FAM20C: variants seen among roughly 807,000 people sequenced by gnomAD.
FAM20C encodes the protein FAM20C golgi associated secretory pathway kinase.
Under a neutral mutation model 51.5 loss-of-function variants are expected in FAM20C, and 40 were observed. The observed-to-expected ratio is 0.78, with a 90% CI of 0.60 to 1.01. FAM20C has a LOEUF of 1.01. FAM20C is among the 50% of genes least tolerant of loss of function. The pLI, the probability that FAM20C is intolerant of heterozygous loss-of-function variation, is 0.00. For missense variants in FAM20C, 861 were observed against 844.7 expected, an observed-to-expected ratio of 1.02 and a Z score of -0.24; for synonymous variants, 406 against 380.6, an observed-to-expected ratio of 1.07 and a Z score of -0.78.
chr7:222,190 T>G lies in FAM20C; in HGVS notation c.863+13214T>G, dbSNP rs138643604. On this transcript the variant is annotated intron_variant, in intron 3 of 9. Transcript: ENST00000313766. ...GAGGCCACGCAGGGATGTCTGGAGG[T>G]CCAGGGCAGCTGTGCTGTTGTGTTT... is the stretch of plus-strand genomic sequence containing the variant. Among the ~76,000 whole-genome samples the G allele has an allele frequency of 5.5e-4, 83 of 152,084 alleles. No individual in the cohort carries two copies. In the East Asian group the frequency reaches 9.1e-3, roughly 17 times the overall value.
In FAM20C at chr7:257,292, G is replaced by A. The variant is rs980043025; in HGVS notation, c.1445+206G>A. 3.6e-5 allele frequency: 21 copies of A among 588,530 alleles called. No individual in the cohort carries two copies. The Admixed American group carries it at 5.7e-4, about 16-fold the overall frequency. The allele number at this position is 588,530 out of a possible 1,614,324, so 36.5% of individuals were successfully genotyped here. On this transcript the variant is annotated intron_variant, in intron 8 of 9. Transcript: ENST00000313766. ...GGGCCGCCCCGGGAGTGGGACCTCC[G>A]AGGCACAGGAATGCTGCAGACCAAG...
intron 3 of FAM20C, among the ~76,000 whole-genome samples, chr7:230,265 G>A (rs1374199210): frequency 6.6e-6 from 1 of 151,670 alleles, no homozygotes; most frequent in Non-Finnish European, 1.5e-5. Flanking sequence ...AGGAGCTCCT[G>A]GAGCCCCCAG....
chr7:232,048 G>A (rs2115120346), intron 3 of FAM20C, among the ~76,000 whole-genome samples: 1 of 152,320 alleles, frequency 6.6e-6, no homozygotes, highest in Non-Finnish European at 1.5e-5. Flanking sequence ...CTGCTTTGTG[G>A]GACACGCTGA....
Position 255,861 on chromosome 7 carries a change from G to C in FAM20C, c.1085G>C (p.Cys362Ser). ...TGTCCCTCCCCAGCCAACAACATCT[G>C]CTTCTACGGCGAGTGTTCCTACTAC... ...TFFISPANNI[C>S]FYGECSYYCS... The change falls in exon 6 of 10, where the codon TGC becomes TCC. Residue 362 changes from cysteine (C) to serine (S), a missense_variant. Physicochemically the swap from Cys to Ser is moderately radical, Grantham distance 112. Transcript: ENST00000313766. 2 of 1,536,454 alleles carry C rather than the reference G, an allele frequency of 1.3e-6. No individual in the cohort carries two copies. Among genetic ancestry groups the C allele is most frequent in the Non-Finnish European group, 1.7e-6 (2 of 1,146,844 alleles).
chr7:232,981 G>A (rs964029983), intron 3 of FAM20C, among the ~76,000 whole-genome samples: 20 of 152,356 alleles, frequency 1.3e-4, no homozygotes, highest in South Asian at 6.2e-4. Context: ...AAACACGGAC[G>A]TTCGGAACAG....
Position 243,763 on chromosome 7 carries a change from A to G in FAM20C, c.864-2652A>G, listed in dbSNP as rs1258277633. Among the ~76,000 whole-genome samples, 13 of 150,822 alleles carry G rather than the reference A, an allele frequency of 8.6e-5. No homozygotes were observed. The East Asian group carries it at 2.3e-3, about 27-fold the overall frequency. On this transcript the variant is annotated intron_variant, in intron 3 of 9. Coordinates refer to ENST00000313766, the MANE Select transcript of FAM20C (RefSeq NM_020223.4). ...CTGTGCCACCCGGGAGACCTGTGCCACCCAGGAGACCTGGGCGCCGCCTCT... is the reference window on the plus strand; with the variant it reads ...CTGTGCCACCCGGGAGACCTGTGCCGCCCAGGAGACCTGGGCGCCGCCTCT...
intron 2 of FAM20C, among the ~76,000 whole-genome samples, chr7:204,080 A>C (rs1786243116): frequency 6.6e-6 from 1 of 152,254 alleles, no homozygotes; most frequent in Non-Finnish European, 1.5e-5. Flanking sequence ...GGAGAAAACT[A>C]CCAAGCTTCA....
At chr7:246,648 C>T (rs1377827822) in intron 4 of FAM20C, 141 bp downstream of exon 4, 3 of 530,512 alleles carry the variant, frequency 5.7e-6, no homozygotes, top group Admixed American at 3.2e-5. Context: ...GCTCTCCCCC[C>T]ACCCCGAGTG....
At chr7:206,283 C>T (rs1202430276) in intron 2 of FAM20C, among the ~76,000 whole-genome samples, 1 of 152,224 alleles carries the variant, frequency 6.6e-6, no homozygotes, top group Non-Finnish European at 1.5e-5. Context: ...CAGCCCCAGC[C>T]TCTCCCACCT....
intron 3 of FAM20C, among the ~76,000 whole-genome samples, chr7:214,575 G>A (rs907296315): frequency 6.2e-4 from 94 of 152,326 alleles, no homozygotes; most frequent in Non-Finnish European, 1.3e-4. Flanking sequence ...GCCACAGAGC[G>A]ACGGGCCTGG....
intron 3 of FAM20C, among the ~76,000 whole-genome samples, chr7:230,367 C>CGGGGT (rs1562385323): frequency 1.2e-4 from 1 of 8,586 alleles, no homozygotes; most frequent in Non-Finnish European, 2.7e-4. Flanking sequence ...GTCCCCAGGA[C>CGGGGT]GGGGTGGGGG....
intron 2 of FAM20C, among the ~76,000 whole-genome samples, chr7:208,426 A>T: frequency 7.1e-6 from 1 of 141,334 alleles, no homozygotes; most frequent in African/African-American, 2.7e-5. Flanking sequence ...GTGTGGGTGT[A>T]TACGTGTGTG....
In FAM20C at chr7:193,496, C is replaced by T. The variant is rs761589732; in HGVS notation, c.297C>T (p.Ser99=). 6.7e-7 allele frequency: 1 copy of T among 1,503,690 alleles called. No homozygotes were observed. The highest frequency in any genetic ancestry group is 1.7e-4 in the Middle Eastern group (1 of 5,764). 93.1% of individuals were successfully genotyped at this position (1,503,690 alleles called of 1,614,324 possible). A position where few individuals can be genotyped will look rare whatever the true frequency, so the allele number is the denominator to read the frequency against. The part of the protein sequence containing the change: ...RILQDFSSDP[S]SNLSSHSLEK... ...TGCAGGACTTCAGCTCCGACCCCTC[C>T]TCCAACCTCTCGTCCCACTCGCTGG... Residue 99 remains serine (S), a synonymous_variant, in exon 1 of 10, where the codon TCC becomes TCT. Coordinates refer to ENST00000313766, the MANE Select transcript of FAM20C (RefSeq NM_020223.4).
At position 248,385 on chromosome 7, in the gene FAM20C, G is replaced by A. The variant is rs1039529929; in HGVS notation, c.1027G>A (p.Val343Ile). 1 of 1,537,216 alleles carries A rather than the reference G, an allele frequency of 6.5e-7. No homozygotes were observed. The highest frequency in any genetic ancestry group is 1.7e-4 in the Middle Eastern group (1 of 5,990). ...CAACATGACCAAGGAGATCCGGGACGTCACACGGGACAAGAAGCTCTGGAG... is the reference window on the plus strand; with the variant it reads ...CAACATGACCAAGGAGATCCGGGACATCACACGGGACAAGAAGCTCTGGAG... ...MVNMTKEIRDVTRDKKLWRTF... is the reference protein window; with the variant it reads ...MVNMTKEIRDITRDKKLWRTF... The change falls in exon 5 of 10, where the codon GTC becomes ATC. Residue 343 changes from valine (V) to isoleucine (I), a missense_variant. Transcript: ENST00000313766.
intron 3 of FAM20C, among the ~76,000 whole-genome samples, chr7:211,788 G>A (rs950672531): frequency 2.6e-5 from 4 of 152,238 alleles, no homozygotes; most frequent in African/African-American, 7.2e-5. Context: ...GAAAGGATAC[G>A]TCCAAGGCCG....
chr7:233,881 C>T (rs940141712), intron 3 of FAM20C, among the ~76,000 whole-genome samples: 8 of 152,344 alleles, frequency 5.3e-5, no homozygotes, highest in Non-Finnish European at 1.2e-4. Context: ...TAGTACACCT[C>T]CTGTGTTGTT....
chr7:211,558 C>T (rs1209816763), intron 3 of FAM20C, among the ~76,000 whole-genome samples: 1 of 152,068 alleles, frequency 6.6e-6, no homozygotes, highest in Non-Finnish European at 1.5e-5. Flanking sequence ...GCGCCAGGCT[C>T]CAGAGCCCCC....
chr7:210,958 A>G (rs1175139929), intron 3 of FAM20C, among the ~76,000 whole-genome samples: 1 of 152,074 alleles, frequency 6.6e-6, no homozygotes, highest in Non-Finnish European at 1.5e-5. Flanking sequence ...ATGTTTGTCC[A>G]TCCTCACATA....
intron 3 of FAM20C, among the ~76,000 whole-genome samples, chr7:242,864 C>T (rs970402258): frequency 6.6e-6 from 1 of 152,178 alleles, no homozygotes; most frequent in African/African-American, 2.4e-5. Context: ...GGGGCAGGCT[C>T]AGAGGGACGT....
Sources: gnomAD v4.1 joint callset for allele counts (sites outside exome capture counted in the v4.1 genomes callset) on GRCh38, gnomAD v4.1.1 for gene constraint, MANE v1.5 for transcripts, NCBI Gene and HGNC (gene_info 2026-07-23, HGNC 2026-07-21) for gene names.